BCAS4: variants seen among roughly 807,000 people sequenced by gnomAD.
The protein encoded by BCAS4 is breast carcinoma amplified sequence 4.
Under a neutral mutation model 15.7 loss-of-function variants are expected in BCAS4, and 9 were observed. The ratio of observed to expected loss-of-function variants is 0.57; its 90% CI spans 0.34 to 1.00. BCAS4 has a LOEUF of 1.00. Among genes scored for constraint, BCAS4 ranks in the 50% least tolerant of loss-of-function variants. The pLI is 0.02. For missense variants in BCAS4, 225 were observed against 239.1 expected, an observed-to-expected ratio of 0.94 and a Z score of 0.39; for synonymous variants, 101 against 99.5, an observed-to-expected ratio of 1.02 and a Z score of -0.09.
chr20:50,796,504 TTTTTTTTTTG>T (rs2087866317), intron 1 of BCAS4, among the ~76,000 whole-genome samples: 2 of 51,292 alleles, frequency 3.9e-5, no homozygotes, highest in African/African-American at 1.5e-4. Flanking sequence ...TTTTTTTTTT[TTTTTTTTTTG>T]AGATGGAGTC....
At chr20:50,854,386 C>T (rs748647593) in intron 4 of BCAS4, among the ~76,000 whole-genome samples, 12 of 152,044 alleles carry the variant, frequency 7.9e-5, no homozygotes, top group South Asian at 2.1e-4. Flanking sequence ...GCAGCTGAGG[C>T]GCATAAGTTG....
intron 1 of BCAS4, among the ~76,000 whole-genome samples, chr20:50,817,672 G>A (rs1055653095): frequency 2.6e-5 from 4 of 152,132 alleles, no homozygotes; most frequent in African/African-American, 9.7e-5. Context: ...ATGTTGGTCA[G>A]GCTGGTCTCA....
intron 4 of BCAS4, among the ~76,000 whole-genome samples, chr20:50,868,065 T>A (rs1979444430): frequency 1.3e-5 from 2 of 152,192 alleles, no homozygotes; most frequent in Admixed American, 1.3e-4. Flanking sequence ...AATTAGGGCC[T>A]ATCTGATGTT....
At position 50,851,030 on chromosome 20, in the gene BCAS4, G is replaced by A. The variant is rs1390403707; in HGVS notation, c.399+9130G>A. ...CTCCCCAGCGACCCCCCCAGCTCCC[G>A]CCCCTTGCCTCCTCTCCCCTTCCTG... is the stretch of plus-strand genomic sequence containing the variant. On this transcript the variant is annotated intron_variant, in intron 4 of 4. Transcript: ENST00000371608. This position sits in a 1 kb window ranked among gnomAD's most constrained non-coding sequence, Gnocchi z 4.3. Among the ~76,000 whole-genome samples, 7 of 150,884 alleles carry A rather than the reference G, an allele frequency of 4.6e-5. No individual in the cohort carries two copies. The highest frequency in any genetic ancestry group is 2.1e-4 in the South Asian group (1 of 4,752).
intron 4 of BCAS4, among the ~76,000 whole-genome samples, chr20:50,864,069 C>G (rs1485135083): frequency 6.6e-6 from 1 of 152,232 alleles, no homozygotes. Flanking sequence ...TGGCGCCTTC[C>G]TCGAGTCATC....
intron 1 of BCAS4, among the ~76,000 whole-genome samples, chr20:50,795,648 G>A (rs1043669932): frequency 4.9e-4 from 74 of 152,346 alleles, no homozygotes; most frequent in African/African-American, 1.6e-3. Context: ...GATCTAAAAC[G>A]AGACCCTCTA....
chr20:50,795,255 C>G, intron 1 of BCAS4, 82 bp downstream of exon 1: 1 of 1,205,980 alleles, frequency 8.3e-7, no homozygotes, highest in Non-Finnish European at 1.1e-6. Flanking sequence ...TTCCCCGGAG[C>G]ATCCTCTCGC....
intron 1 of BCAS4, among the ~76,000 whole-genome samples, chr20:50,812,433 C>CTTT (rs754781964): frequency 1.6e-5 from 2 of 122,560 alleles, no homozygotes; most frequent in African/African-American, 6.0e-5. Flanking sequence ...TGCGTCTGGC[C>CTTT]TTTTTTTTTT....
intron 3 of BCAS4, among the ~76,000 whole-genome samples, chr20:50,835,403 C>A (rs1023859786): frequency 2.0e-5 from 3 of 152,004 alleles, no homozygotes; most frequent in Non-Finnish European, 4.4e-5. Context: ...TGCCACCACA[C>A]CCGGCTAATT....
rs573625107 is a variant in BCAS4 at position 50,856,854 on chromosome 20, A to G, written c.399+14954A>G. On this transcript the variant is annotated intron_variant, in intron 4 of 4. Transcript: ENST00000371608. ...GCCAGGCCCTCTGATTGATTGATTG[A>G]TGAGTCACATCACTTAGTGGCTGAG... 2.0e-5 allele frequency among the ~76,000 whole-genome samples: 3 copies of G among 152,224 alleles called. No individual in the cohort carries two copies. In the East Asian group the frequency reaches 5.8e-4, roughly 29 times the overall value.
chr20:50,810,695 G>A (rs771753273), intron 1 of BCAS4, among the ~76,000 whole-genome samples: 3 of 150,706 alleles, frequency 2.0e-5, no homozygotes, highest in African/African-American at 2.4e-5. Context: ...GGTTCACGCC[G>A]TTTTCCTGGC....
chr20:50,816,327 A>C (rs1004043902), intron 1 of BCAS4, among the ~76,000 whole-genome samples: 1 of 152,220 alleles, frequency 6.6e-6, no homozygotes, highest in Admixed American at 6.5e-5. Context: ...CGCCTGGCCA[A>C]ACCGCTAATT....
chr20:50,855,684 C>T (rs1041677047), intron 4 of BCAS4, among the ~76,000 whole-genome samples: 1 of 152,092 alleles, frequency 6.6e-6, no homozygotes, highest in Admixed American at 6.5e-5. Context: ...ACCCATTGCC[C>T]TTCTCTGAGC....
intron 4 of BCAS4, among the ~76,000 whole-genome samples, chr20:50,874,124 G>C (rs1002665188): frequency 1.3e-5 from 2 of 152,254 alleles, no homozygotes; most frequent in African/African-American, 4.8e-5. Context: ...TCTTCCTGAA[G>C]TGCAGACCTC....
chr20:50,863,194 T>G (rs1188946768), intron 4 of BCAS4, among the ~76,000 whole-genome samples: 1 of 151,590 alleles, frequency 6.6e-6, no homozygotes, highest in African/African-American at 2.4e-5. Flanking sequence ...AGAGTAGTAT[T>G]TGTGCAACCT....
At chr20:50,882,399 T>C in the BCAS4 span, 1 of 152,196 alleles carries the variant, frequency 6.6e-6, no homozygotes, top group Non-Finnish European at 1.5e-5. Context: ...TATAATGTTG[T>C]AAAAATGGGT....
At chr20:50,836,062 C>T (rs1327833516) in intron 3 of BCAS4, among the ~76,000 whole-genome samples, 3 of 152,040 alleles carry the variant, frequency 2.0e-5, no homozygotes, top group East Asian at 1.9e-4. Flanking sequence ...GGATTACAGG[C>T]GCGTGCCACC....
At chr20:50,872,588 A>G (rs963174819) in intron 4 of BCAS4, among the ~76,000 whole-genome samples, 1 of 152,068 alleles carries the variant, frequency 6.6e-6, no homozygotes, top group Non-Finnish European at 1.5e-5. Context: ...GAACAAAAAA[A>G]AAAAAAGAAA....
At chr20:50,799,783 C>G (rs1276417927) in intron 1 of BCAS4, among the ~76,000 whole-genome samples, 4 of 152,226 alleles carry the variant, frequency 2.6e-5, no homozygotes, top group Non-Finnish European at 5.9e-5. Flanking sequence ...AGGCCAGACA[C>G]AGTGGCTCAC....
Sources: allele counts gnomAD v4.1 joint callset (sites outside exome capture counted in the v4.1 genomes callset), GRCh38; gene constraint gnomAD v4.1.1; non-coding constraint Gnocchi (gnomAD v3.1); transcripts MANE v1.5; gene names NCBI Gene and HGNC (gene_info 2026-07-23, HGNC 2026-07-21).